Variants in LOC128462377 observed in about 807,000 individuals in gnomAD.
At chr16:89,326,284 C>T in the LOC128462377 span, among the ~76,000 whole-genome samples, 2 of 152,118 alleles carry the variant, frequency 1.3e-5, no homozygotes, top group East Asian at 3.9e-4. Context: ...GAGAGAAACA[C>T]GCAGGGAAGA....
At chr16:89,345,380 C>A in the LOC128462377 span, among the ~76,000 whole-genome samples, 1 of 152,120 alleles carries the variant, frequency 6.6e-6, no homozygotes, top group Admixed American at 6.5e-5. Context: ...AGGCTCTGCC[C>A]TCGTGGGTGG....
chr16:89,335,390 T>C, the LOC128462377 span, among the ~76,000 whole-genome samples: 1 of 152,116 alleles, frequency 6.6e-6, no homozygotes, highest in Admixed American at 6.5e-5. Context: ...CCCAGAAGCA[T>C]GGGAGCAGCT....
At chr16:89,320,182 G>C in the LOC128462377 span, 3 of 152,234 alleles carry the variant, frequency 2.0e-5, no homozygotes, top group Admixed American at 1.3e-4. Context: ...TTGAAGCTGG[G>C]AGTCCCCTCT....
At chr16:89,412,454 CTCT>C in the LOC128462377 span, 1 of 152,584 alleles carries the variant, frequency 6.6e-6, no homozygotes, top group East Asian at 1.9e-4. Flanking sequence ...TCCTACCTTC[CTCT>C]TCTTCTCAAC....
chr16:89,389,179 T>C, the LOC128462377 span, among the ~76,000 whole-genome samples: 1 of 151,822 alleles, frequency 6.6e-6, no homozygotes, highest in Non-Finnish European at 1.5e-5. Context: ...CCACTACGTC[T>C]GGCTAATTTT....
chr16:89,378,984 A>G, the LOC128462377 span, among the ~76,000 whole-genome samples: 1 of 152,218 alleles, frequency 6.6e-6, no homozygotes, highest in Non-Finnish European at 1.5e-5. Context: ...CTGACGGCAC[A>G]CTGGGGAGCG....
At chr16:89,345,384 T>C in the LOC128462377 span, among the ~76,000 whole-genome samples, 1 of 151,858 alleles carries the variant, frequency 6.6e-6, no homozygotes, top group African/African-American at 2.4e-5. Flanking sequence ...TCTGCCCTCG[T>C]GGGTGGACGA....
At chr16:89,326,235 C>T in the LOC128462377 span, among the ~76,000 whole-genome samples, 2 of 152,182 alleles carry the variant, frequency 1.3e-5, no homozygotes, top group African/African-American at 4.8e-5. Flanking sequence ...TCCTCCAAGG[C>T]TTGCGAGGGT....
At chr16:89,401,175 C>T in the LOC128462377 span, among the ~76,000 whole-genome samples, 1 of 140,586 alleles carries the variant, frequency 7.1e-6, no homozygotes, top group African/African-American at 2.6e-5. Flanking sequence ...CTCATTGCAA[C>T]CTCTGCCTCC....
chr16:89,376,178 A>G, the LOC128462377 span, among the ~76,000 whole-genome samples: 3 of 152,256 alleles, frequency 2.0e-5, no homozygotes, highest in Admixed American at 6.5e-5. Context: ...CAGGATTGCT[A>G]TAAGAAAGGC....
chr16:89,340,678 A>C, the LOC128462377 span, among the ~76,000 whole-genome samples: 1 of 152,210 alleles, frequency 6.6e-6, no homozygotes, highest in Non-Finnish European at 1.5e-5. Flanking sequence ...AAAAGAGACA[A>C]TATAATTAAC....
At chr16:89,417,347 T>C in the LOC128462377 span, among the ~76,000 whole-genome samples, 1 of 152,130 alleles carries the variant, frequency 6.6e-6, no homozygotes, top group Non-Finnish European at 1.5e-5. Context: ...CTGGCCAAAA[T>C]ATGAAAATTT....
chr16:89,375,973 C>T, the LOC128462377 span, among the ~76,000 whole-genome samples: 1 of 152,168 alleles, frequency 6.6e-6, no homozygotes, highest in Non-Finnish European at 1.5e-5. Context: ...CTGTGCTCTG[C>T]TGTGGATGCT....
At chr16:89,359,732 T>C in the LOC128462377 span, among the ~76,000 whole-genome samples, 2 of 152,224 alleles carry the variant, frequency 1.3e-5, no homozygotes. Flanking sequence ...GGTCTTCATA[T>C]CTGAGTCTCA....
At chr16:89,386,652 C>G in the LOC128462377 span, among the ~76,000 whole-genome samples, 1 of 152,230 alleles carries the variant, frequency 6.6e-6, no homozygotes, top group Non-Finnish European at 1.5e-5. Context: ...TCTTCTCGTC[C>G]AGGAAACTTG....
the LOC128462377 span, among the ~76,000 whole-genome samples, chr16:89,385,317 C>T: frequency 1.5e-4 from 23 of 151,860 alleles, no homozygotes; most frequent in African/African-American, 4.6e-4. Flanking sequence ...TTAGTAGAGA[C>T]GCTGTTTTGC....
chr16:89,355,818 G>C, the LOC128462377 span, among the ~76,000 whole-genome samples: 1 of 152,158 alleles, frequency 6.6e-6, no homozygotes, highest in African/African-American at 2.4e-5. Context: ...TCACGGCAAG[G>C]GTCTGTGGCT....
the LOC128462377 span, among the ~76,000 whole-genome samples, chr16:89,339,380 CAA>C: frequency 6.1e-4 from 93 of 151,660 alleles, 4 homozygotes; most frequent in South Asian, 0.019. Context: ...AACAAACAAA[CAA>C]AGAGAAACCA....
the LOC128462377 span, among the ~76,000 whole-genome samples, chr16:89,349,371 T>C: frequency 5.9e-5 from 9 of 151,508 alleles, no homozygotes; most frequent in Non-Finnish European, 1.2e-4. Context: ...TCCCAGCTAC[T>C]TGGAAGGCTG....
Sources: allele counts gnomAD v4.1 joint callset (sites outside exome capture counted in the v4.1 genomes callset), GRCh38; gene constraint gnomAD v4.1.1; transcripts MANE v1.5.